Variants in DNM3 observed in about 807,000 individuals in gnomAD.
The protein encoded by DNM3 is dynamin-3.
Under a neutral mutation model 101.6 loss-of-function variants are expected in DNM3, and 47 were observed. The observed-to-expected ratio is 0.46, with a 90% CI of 0.37 to 0.59. The LOEUF (loss-of-function observed/expected upper bound fraction) is 0.59. Among genes scored for constraint, DNM3 ranks in the 20% least tolerant of loss-of-function variants. The probability of loss-of-function intolerance (pLI) is 0.00; values close to 1 mark genes in which losing one functional copy is unlikely to be tolerated. For missense variants in DNM3, 849 were observed against 1,085.7 expected, an observed-to-expected ratio of 0.78 and a Z score of 3.06; for synonymous variants, 385 against 387.9, an observed-to-expected ratio of 0.99 and a Z score of 0.09.
At chr1:172,069,852 G>A (rs887118287) in intron 11 of DNM3, among the ~76,000 whole-genome samples, 3 of 152,184 alleles carry the variant, frequency 2.0e-5, no homozygotes, top group African/African-American at 7.2e-5. Flanking sequence ...AGGATTTTGT[G>A]ATTCTCAGAT....
intron 2 of DNM3, among the ~76,000 whole-genome samples, chr1:171,940,461 G>A (rs2041738688): frequency 6.6e-6 from 1 of 152,162 alleles, no homozygotes; most frequent in Admixed American, 6.5e-5. Flanking sequence ...AATATTTAAA[G>A]AGACCTGAGT....
chr1:172,025,344 C>G (rs1010408411), intron 4 of DNM3, among the ~76,000 whole-genome samples: 1 of 152,184 alleles, frequency 6.6e-6, no homozygotes, highest in African/African-American at 2.4e-5. Context: ...TAGGACAGAC[C>G]ACCTGGGGGA....
intron 1 of DNM3, among the ~76,000 whole-genome samples, chr1:171,893,235 A>G (rs932970228): frequency 5.3e-5 from 8 of 152,242 alleles, no homozygotes; most frequent in Non-Finnish European, 1.2e-4. Context: ...TTTAAATTGC[A>G]TGGACTAAGG....
At chr1:172,183,751 C>T (rs1039173353) in intron 14 of DNM3, among the ~76,000 whole-genome samples, 1 of 149,214 alleles carries the variant, frequency 6.7e-6, no homozygotes, top group Non-Finnish European at 1.5e-5. Context: ...CAGGGTTGCA[C>T]CACCATGCCC....
intron 2 of DNM3, among the ~76,000 whole-genome samples, chr1:171,972,763 C>A (rs1469409836): frequency 6.6e-6 from 1 of 152,056 alleles, no homozygotes; most frequent in Non-Finnish European, 1.5e-5. Flanking sequence ...GCAGGAGAAT[C>A]GCTTGAACTC....
At chr1:171,882,617 G>A (rs1314098839) in intron 1 of DNM3, among the ~76,000 whole-genome samples, 3 of 151,920 alleles carry the variant, frequency 2.0e-5, no homozygotes, top group South Asian at 2.1e-4. Flanking sequence ...ATATTTTTTA[G>A]AGCATATTTC....
chr1:172,191,573 A>G (rs535260698), intron 14 of DNM3, among the ~76,000 whole-genome samples: 71 of 152,156 alleles, frequency 4.7e-4, no homozygotes, highest in Middle Eastern at 3.4e-3. Flanking sequence ...GTAGCTTGAT[A>G]GGGATGGCAT....
At chr1:171,956,703 C>T (rs1310786606) in intron 2 of DNM3, among the ~76,000 whole-genome samples, 1 of 152,172 alleles carries the variant, frequency 6.6e-6, no homozygotes, top group Non-Finnish European at 1.5e-5. Context: ...ATTTCCCTTC[C>T]ACACTGCCCC....
chr1:172,123,305 A>T (rs995653852), intron 13 of DNM3, among the ~76,000 whole-genome samples: 7 of 152,090 alleles, frequency 4.6e-5, no homozygotes, highest in African/African-American at 1.7e-4. Flanking sequence ...TCTTGTTTTC[A>T]CAACTTCTTT....
At position 172,066,814 on chromosome 1, in the gene DNM3, T is replaced by C. The variant is rs59065790; in HGVS notation, c.1336-2005T>C. Reference sequence around the variant, plus strand: ...TGGATCTACCTTCATTTATTTAACATCATCAGATACTAGGTAGTTTATAGT... The same window carrying C: ...TGGATCTACCTTCATTTATTTAACACCATCAGATACTAGGTAGTTTATAGT... On this transcript the variant is annotated intron_variant, in intron 10 of 20. Transcript: ENST00000627582. Among the ~76,000 whole-genome samples the C allele has an allele frequency of 4.5e-3, 692 of 152,336 alleles. 6 individuals carry two copies. Among genetic ancestry groups the C allele is most frequent in the African/African-American group, 0.015 (623 of 41,572 alleles).
intron 2 of DNM3, among the ~76,000 whole-genome samples, chr1:171,931,919 A>C (rs1284422127): frequency 6.6e-6 from 1 of 152,202 alleles, no homozygotes; most frequent in Non-Finnish European, 1.5e-5. Context: ...ACTAGGGAAT[A>C]ACTGATACCT....
chr1:172,326,968 TC>T (rs538405457), intron 17 of DNM3, among the ~76,000 whole-genome samples: 177 of 152,176 alleles, frequency 1.2e-3, no homozygotes, highest in African/African-American at 4.0e-3. Context: ...TCTTATATTT[TC>T]CCCCACAGAA....
chr1:172,199,043 T>C (rs1165793348), intron 14 of DNM3, among the ~76,000 whole-genome samples: 2 of 152,124 alleles, frequency 1.3e-5, no homozygotes, highest in Non-Finnish European at 2.9e-5. Flanking sequence ...ATGTAGGCAT[T>C]AAGTGCTATG....
At chr1:172,146,213 G>T (rs1029499708) in intron 14 of DNM3, among the ~76,000 whole-genome samples, 2 of 152,026 alleles carry the variant, frequency 1.3e-5, no homozygotes, top group Non-Finnish European at 2.9e-5. Flanking sequence ...TTTTTTATAC[G>T]CTGCATTGTA....
intron 20 of DNM3, among the ~76,000 whole-genome samples, chr1:172,404,435 T>C (rs963111234): frequency 1.3e-5 from 2 of 152,082 alleles, no homozygotes; most frequent in Non-Finnish European, 2.9e-5. Context: ...ACCTGGCACA[T>C]AGCAGAACCA....
At chr1:172,054,075 TTA>T (rs1306409514) in intron 10 of DNM3, among the ~76,000 whole-genome samples, 1 of 152,136 alleles carries the variant, frequency 6.6e-6, no homozygotes, top group Non-Finnish European at 1.5e-5. Context: ...TATATTGTAA[TTA>T]TATATATATT....
intron 13 of DNM3, among the ~76,000 whole-genome samples, chr1:172,124,126 T>C (rs2148032043): frequency 6.6e-6 from 1 of 152,310 alleles, no homozygotes; most frequent in African/African-American, 2.4e-5. Context: ...AATGATCAAA[T>C]GAAATAATAT....
intron 14 of DNM3, among the ~76,000 whole-genome samples, chr1:172,198,006 C>G (rs2060015851): frequency 6.6e-6 from 1 of 152,108 alleles, no homozygotes. Context: ...GGGAATGCTT[C>G]CAACTTTTTC....
chr1:171,977,717 TCTCTTTGTTTA>T, intron 2 of DNM3, among the ~76,000 whole-genome samples: 1 of 152,312 alleles, frequency 6.6e-6, no homozygotes, highest in Admixed American at 6.5e-5. Context: ...TTTCCTTCTA[TCTCTTTGTTTA>T]CTCTTTCAGG....
Sources: allele counts gnomAD v4.1 joint callset (sites outside exome capture counted in the v4.1 genomes callset), GRCh38; gene constraint gnomAD v4.1.1; transcripts MANE v1.5; gene names NCBI Gene and HGNC (gene_info 2026-07-23, HGNC 2026-07-21).